Variants in PDGFC observed in about 807,000 individuals in gnomAD.
The protein encoded by PDGFC is platelet derived growth factor C.
PDGFC carries 12 observed loss-of-function variants against 35.5 expected under a neutral mutation model. The observed-to-expected ratio is 0.34, with a 90% CI of 0.22 to 0.55. The LOEUF is 0.55. Ranked by LOEUF, PDGFC falls within the 20% of genes least tolerant of loss-of-function variation. The probability of loss-of-function intolerance (pLI) is 0.91; values close to 1 mark genes in which losing one functional copy is unlikely to be tolerated. For missense variants in PDGFC, 322 were observed against 412.4 expected (o/e 0.78, Z 1.90); for synonymous variants, 159 against 148.8 (o/e 1.07, Z -0.50).
intron 1 of PDGFC, among the ~76,000 whole-genome samples, chr4:156,961,792 A>T (rs1278587993): frequency 6.6e-6 from 1 of 152,072 alleles, no homozygotes; most frequent in Non-Finnish European, 1.5e-5. Flanking sequence ...CCAATTGCGG[A>T]TCCTTCACCC....
intron 1 of PDGFC, among the ~76,000 whole-genome samples, chr4:156,890,655 T>C (rs936748809): frequency 6.6e-6 from 1 of 152,178 alleles, no homozygotes; most frequent in Admixed American, 6.5e-5. Flanking sequence ...CTGAGATCTC[T>C]TTAAAGCAGG....
chr4:156,903,113 G>GTGTGTGTGTGTGTGTA (rs1553975829), intron 1 of PDGFC, among the ~76,000 whole-genome samples: 166 of 139,672 alleles, frequency 1.2e-3, no homozygotes, highest in African/African-American at 3.9e-3. Flanking sequence ...GAGTGTGTGT[G>GTGTGTGTGTGTGTGTA]TGTGTGTGTG....
At chr4:156,782,324 A>T (rs955978906) in intron 3 of PDGFC, among the ~76,000 whole-genome samples, 9 of 152,170 alleles carry the variant, frequency 5.9e-5, no homozygotes, top group African/African-American at 2.2e-4. Context: ...ATGAAATGAA[A>T]CCAACAAAAA....
At chr4:156,817,051 T>G (rs1056896630) in intron 2 of PDGFC, among the ~76,000 whole-genome samples, 3 of 152,148 alleles carry the variant, frequency 2.0e-5, no homozygotes, top group African/African-American at 7.2e-5. Context: ...TCACAACACA[T>G]GAATGGGTAA....
At chr4:156,787,654 A>G (rs752157480) in intron 3 of PDGFC, among the ~76,000 whole-genome samples, 4 of 151,974 alleles carry the variant, frequency 2.6e-5, no homozygotes, top group Non-Finnish European at 5.9e-5. Flanking sequence ...CCAATGGAAA[A>G]AAGAAGAAGG....
intron 2 of PDGFC, chr4:156,836,071 A>G (rs1326492070): frequency 2.0e-5 from 3 of 152,202 alleles, no homozygotes; most frequent in Non-Finnish European, 2.9e-5. Context: ...CCGTATTTCT[A>G]TATCTACATA....
chr4:156,846,313 A>G (rs1274866100), intron 2 of PDGFC, among the ~76,000 whole-genome samples: 2 of 151,854 alleles, frequency 1.3e-5, no homozygotes, highest in East Asian at 3.9e-4. Flanking sequence ...ATTATAAGCA[A>G]TCAGAAATAC....
At chr4:156,899,153 A>T (rs906214026) in intron 1 of PDGFC, among the ~76,000 whole-genome samples, 1 of 152,226 alleles carries the variant, frequency 6.6e-6, no homozygotes, top group African/African-American at 2.4e-5. Flanking sequence ...CACAGATTGA[A>T]AATATTCAGA....
At chr4:156,780,651 G>T (rs998782421) in intron 3 of PDGFC, among the ~76,000 whole-genome samples, 1 of 152,044 alleles carries the variant, frequency 6.6e-6, no homozygotes, top group African/African-American at 2.4e-5. Context: ...AAGAAATAAG[G>T]GTACAGAGTT....
chr4:156,967,448 G>A (rs575956027), intron 1 of PDGFC: 2 of 152,254 alleles, frequency 1.3e-5, no homozygotes, highest in African/African-American at 4.8e-5. Flanking sequence ...AATAACTGAT[G>A]TTAATAAGAC....
chr4:156,921,936 C>T (rs916405120), intron 1 of PDGFC, among the ~76,000 whole-genome samples: 1 of 152,048 alleles, frequency 6.6e-6, no homozygotes, highest in Non-Finnish European at 1.5e-5. Flanking sequence ...TCCTTACAGT[C>T]CCAGTGCAGT....
At chr4:156,940,680 T>C (rs1014652170) in intron 1 of PDGFC, among the ~76,000 whole-genome samples, 1 of 152,116 alleles carries the variant, frequency 6.6e-6, no homozygotes, top group Non-Finnish European at 1.5e-5. Flanking sequence ...GTCTGTAACA[T>C]CTAAAGTATT....
chr4:156,848,633 A>G (rs570158663), intron 2 of PDGFC, among the ~76,000 whole-genome samples: 1 of 152,150 alleles, frequency 6.6e-6, no homozygotes, highest in East Asian at 1.9e-4. Context: ...ATCATAAAAG[A>G]AAGCACATGG....
chr4:156,809,439 T>A (rs1169003258), intron 3 of PDGFC, among the ~76,000 whole-genome samples: 1 of 152,018 alleles, frequency 6.6e-6, no homozygotes, highest in Non-Finnish European at 1.5e-5. Flanking sequence ...ACAAGTCTTA[T>A]GAATCTGACA....
chr4:156,763,067 A>AAG lies in PDGFC; in HGVS notation c.*21_*22dup, dbSNP rs767793319. The AAG allele has an allele frequency of 8.3e-7, 1 of 1,200,166 alleles. No individual in the cohort carries two copies. The highest frequency in any genetic ancestry group is 1.2e-5 in the South Asian group (1 of 82,474). 74.3% of individuals were successfully genotyped at this position (1,200,166 alleles called of 1,614,324 possible). On this transcript the variant is annotated 3_prime_UTR_variant, in exon 6 of 6. Coordinates refer to ENST00000502773, the MANE Select transcript of PDGFC (RefSeq NM_016205.3). ...GCCACTGCACTGCACAGCTCTGGGC[A>AAG]AGAGCTGCTGGTGGTGATGCGGCTA...
intron 2 of PDGFC, among the ~76,000 whole-genome samples, chr4:156,812,804 A>T (rs1038175721): frequency 3.9e-5 from 6 of 152,100 alleles, no homozygotes; most frequent in South Asian, 2.1e-4. Flanking sequence ...GCAGCACCTA[A>T]AACATTGTTT....
chr4:156,765,875 C>G (rs1417901032), intron 5 of PDGFC, among the ~76,000 whole-genome samples: 1 of 152,030 alleles, frequency 6.6e-6, no homozygotes, highest in Non-Finnish European at 1.5e-5. Flanking sequence ...ATATTAATGG[C>G]ATGAAAATTG....
At chr4:156,778,124 AT>A (rs1730875508) in intron 3 of PDGFC, 1 of 254,222 alleles carries the variant, frequency 3.9e-6, no homozygotes, top group Admixed American at 4.7e-5. Context: ...AAATAAAAAA[AT>A]AAAAAATAAG....
intron 1 of PDGFC, among the ~76,000 whole-genome samples, chr4:156,933,205 T>C (rs183567429): frequency 2.0e-5 from 3 of 152,354 alleles, no homozygotes; most frequent in African/African-American, 4.8e-5. Flanking sequence ...CTGTATGTTC[T>C]TGTCATAAAG....
Sources: allele counts gnomAD v4.1 joint callset (sites outside exome capture counted in the v4.1 genomes callset), GRCh38; gene constraint gnomAD v4.1.1; transcripts MANE v1.5; gene names NCBI Gene and HGNC (gene_info 2026-07-23, HGNC 2026-07-21).